USO1: variants seen among roughly 807,000 people sequenced by gnomAD.
USO1 encodes the protein general vesicular transport factor p115.
A neutral mutation model predicts 124.5 loss-of-function variants in USO1; 57 were observed. The ratio of observed to expected loss-of-function variants is 0.46; its 90% CI spans 0.37 to 0.57. The LOEUF is 0.57. USO1 is among the 20% of genes least tolerant of loss of function. The pLI, the probability that USO1 is intolerant of heterozygous loss-of-function variation, is 0.00. For missense variants in USO1, 900 were observed against 1,040.6 expected, an observed-to-expected ratio of 0.86 and a Z score of 1.86; for synonymous variants, 369 against 362.8, an observed-to-expected ratio of 1.02 and a Z score of -0.19.
intron 4 of USO1, among the ~76,000 whole-genome samples, chr4:75,760,431 A>G (rs925616948): frequency 6.6e-6 from 1 of 152,222 alleles, no homozygotes; most frequent in Non-Finnish European, 1.5e-5. Flanking sequence ...CTTTTAGTAT[A>G]TCTGAGGTAT....
intron 13 of USO1, 49 bp from the exon 14 acceptor site, chr4:75,799,573 G>A: frequency 6.3e-7 from 1 of 1,598,858 alleles, no homozygotes; most frequent in South Asian, 1.1e-5. Context: ...CTTTAAGTTT[G>A]AAAAATATAA....
chr4:75,768,049 C>T (rs1437932861), intron 4 of USO1, among the ~76,000 whole-genome samples: 1 of 151,978 alleles, frequency 6.6e-6, no homozygotes, highest in Non-Finnish European at 1.5e-5. Flanking sequence ...CAGGGTCTTA[C>T]TTTGTCACCC....
chr4:75,766,010 T>C (rs1721759992), intron 4 of USO1, among the ~76,000 whole-genome samples: 1 of 152,204 alleles, frequency 6.6e-6, no homozygotes, highest in South Asian at 2.1e-4. Context: ...CTACCTGTTT[T>C]CCTGAAGTGG....
rs1198043600 is a variant in USO1 at position 75,799,625 on chromosome 4, A to G, written c.1456A>G (p.Ser486Gly). The G allele has an allele frequency of 1.2e-6, 2 of 1,613,166 alleles. No homozygotes were observed. Among genetic ancestry groups the G allele is most frequent in the Non-Finnish European group, 1.7e-6 (2 of 1,179,618 alleles). The stretch of plus-strand genomic sequence containing the variant: ...TCTACCAATTTATCTGTTGCAGGGA[A>G]GCAAAATACAAACAAGAGTTGGATT... ...QQCTNILSQGSKIQTRVGLLM... is the reference protein window; with the variant it reads ...QQCTNILSQGGKIQTRVGLLM... Residue 486 changes from serine to glycine, a missense_variant, in exon 14 of 24, where the codon AGC becomes GGC. By Grantham distance (56) the Ser-to-Gly change is moderately conservative (BLOSUM62 0). This residue lies in a region of USO1 where 538 missense variants were observed against 681.6 expected (regional missense o/e 0.79). Coordinates refer to ENST00000514213, the MANE Select transcript of USO1 (RefSeq NM_003715.4).
At chr4:75,808,738 G>GTT (rs1723060685) in intron 20 of USO1, among the ~76,000 whole-genome samples, 2 of 72,520 alleles carry the variant, frequency 2.8e-5, no homozygotes, top group Non-Finnish European at 3.6e-5. Context: ...TGTCTTTTAT[G>GTT]ATTTTTTTTT....
rs1013423331 is a variant in USO1, at chr4:75,813,560, C to A, written c.*265C>A. The A allele has an allele frequency of 1.2e-4, 30 of 253,196 alleles. 1 individual carries two copies. The highest frequency in any genetic ancestry group is 2.2e-4 in the Non-Finnish European group (30 of 136,020). The allele number at this position is 253,196 out of a possible 1,614,324, so 15.7% of individuals were successfully genotyped here. On this transcript the variant is annotated 3_prime_UTR_variant, in exon 24 of 24. Coordinates refer to ENST00000514213, the MANE Select transcript of USO1 (RefSeq NM_003715.4). ...AGAGCTTCAAACACCAAAAATATACCATTTTAAGGCATGTGGTGACAATGC... is the reference window on the plus strand; with the variant it reads ...AGAGCTTCAAACACCAAAAATATACAATTTTAAGGCATGTGGTGACAATGC...
At chr4:75,740,190 C>G (rs1720919173) in intron 1 of USO1, among the ~76,000 whole-genome samples, 1 of 152,110 alleles carries the variant, frequency 6.6e-6, no homozygotes, top group Non-Finnish European at 1.5e-5. Context: ...AAAAAGGTGT[C>G]TTTAAACAGA....
chr4:75,778,384 A>G (rs552546795), intron 8 of USO1, among the ~76,000 whole-genome samples: 1 of 152,346 alleles, frequency 6.6e-6, no homozygotes, highest in Non-Finnish European at 1.5e-5. Context: ...GTGGATTATC[A>G]TAAAGGTCTT....
chr4:75,773,336 C>G (rs1721985769), intron 7 of USO1, among the ~76,000 whole-genome samples: 1 of 141,948 alleles, frequency 7.0e-6, no homozygotes, highest in South Asian at 2.4e-4. Flanking sequence ...TTTAATAAAC[C>G]TATTCAAGAG....
chr4:75,752,881 A>G (rs1721330848), intron 3 of USO1, among the ~76,000 whole-genome samples: 1 of 152,158 alleles, frequency 6.6e-6, no homozygotes, highest in Admixed American at 6.6e-5. Context: ...TGTCATTTCG[A>G]TAAAGATTTA....
intron 7 of USO1, among the ~76,000 whole-genome samples, chr4:75,772,276 A>G (rs1238610652): frequency 2.6e-5 from 4 of 152,076 alleles, no homozygotes; most frequent in Non-Finnish European, 4.4e-5. Context: ...TAGCTCTGTC[A>G]CCCAGGCTGG....
At chr4:75,726,173 C>T (rs1577917131) in intron 1 of USO1, among the ~76,000 whole-genome samples, 2 of 150,120 alleles carry the variant, frequency 1.3e-5, no homozygotes, top group Non-Finnish European at 1.5e-5. Flanking sequence ...CCCAGCCACT[C>T]GGAAGGCTGA....
At chr4:75,728,891 C>T (rs1206396943) in intron 1 of USO1, among the ~76,000 whole-genome samples, 9 of 151,554 alleles carry the variant, frequency 5.9e-5, no homozygotes, top group Non-Finnish European at 8.8e-5. Context: ...CTCCCCCTCC[C>T]GGGTTCACGC....
intron 4 of USO1, chr4:75,760,598 T>A: frequency 2.5e-6 from 1 of 397,992 alleles, no homozygotes; most frequent in Non-Finnish European, 4.4e-6. Context: ...TTTCAGATGA[T>A]GTTGAAGGTA....
chr4:75,774,640 T>C (rs749338851), intron 7 of USO1, 36 bp from the exon 8 acceptor site: 10 of 1,538,600 alleles, frequency 6.5e-6, no homozygotes, highest in Admixed American at 2.2e-5. Context: ...CTCATAAATT[T>C]TGTACTCCAC....
intron 4 of USO1, chr4:75,760,590 T>A: frequency 7.5e-6 from 3 of 397,918 alleles, no homozygotes; most frequent in Non-Finnish European, 1.3e-5. Flanking sequence ...ATCTACCTTT[T>A]CAGATGATGT....
intron 1 of USO1, among the ~76,000 whole-genome samples, chr4:75,734,821 C>A (rs1245104994): frequency 7.1e-6 from 1 of 141,794 alleles, no homozygotes; most frequent in Admixed American, 7.8e-5. Flanking sequence ...CTCTGTCTCC[C>A]GGGTTCAAGT....
intron 1 of USO1, among the ~76,000 whole-genome samples, chr4:75,747,985 G>A (rs1051466950): frequency 7.7e-5 from 10 of 130,458 alleles, no homozygotes; most frequent in Admixed American, 3.7e-4. Context: ...TCGGCTCACC[G>A]CAACCTCCGC....
At chr4:75,788,791 G>A (rs983208414) in intron 10 of USO1, among the ~76,000 whole-genome samples, 4 of 151,624 alleles carry the variant, frequency 2.6e-5, no homozygotes, top group African/African-American at 4.8e-5. Flanking sequence ...CCTCAGCCTC[G>A]TGAAGTGCTA....
Sources: gnomAD v4.1 joint callset for allele counts (sites outside exome capture counted in the v4.1 genomes callset) on GRCh38, gnomAD v4.1.1 for gene constraint, gnomAD v4.1.1 regional missense constraint, MANE v1.5 for transcripts, NCBI Gene and HGNC (gene_info 2026-07-23, HGNC 2026-07-21) for gene names.